PAK5: variants seen among roughly 807,000 people sequenced by gnomAD.
PAK5 encodes the protein serine/threonine-protein kinase PAK 5.
In PAK5, 16 loss-of-function variants were observed where a neutral mutation model predicts 65.9. That is an observed-to-expected ratio of 0.24 (90% CI 0.16 to 0.37). PAK5 has a LOEUF of 0.37. Ranked by LOEUF, PAK5 falls within the 10% of genes least tolerant of loss-of-function variation. The probability of loss-of-function intolerance (pLI) is 1.00; values close to 1 mark genes in which losing one functional copy is unlikely to be tolerated. For missense variants in PAK5, 785 were observed against 903.9 expected (o/e 0.87, Z 1.69); for synonymous variants, 371 against 354.9 (o/e 1.05, Z -0.51).
chr20:9,569,385 T>A (rs2045737052), intron 4 of PAK5, among the ~76,000 whole-genome samples: 1 of 152,066 alleles, frequency 6.6e-6, no homozygotes, highest in Non-Finnish European at 1.5e-5. Context: ...CGGTGCTTAG[T>A]TCATATTAAA....
chr20:9,703,990 CT>C (rs2047973448), intron 2 of PAK5, among the ~76,000 whole-genome samples: 1 of 152,148 alleles, frequency 6.6e-6, no homozygotes, highest in Non-Finnish European at 1.5e-5. Flanking sequence ...GAAAGCTGTT[CT>C]TCTCTGTCAG....
intron 1 of PAK5, among the ~76,000 whole-genome samples, chr20:9,717,095 A>AAAAAAAAAAG (rs1158800869): frequency 6.6e-6 from 1 of 152,076 alleles, no homozygotes; most frequent in African/African-American, 2.4e-5. Context: ...AAAAAAAAAA[A>AAAAAAAAAAG]AAAGAAAGAA....
intron 3 of PAK5, among the ~76,000 whole-genome samples, chr20:9,594,581 G>A (rs543603010): frequency 8.7e-4 from 132 of 152,308 alleles, no homozygotes; most frequent in Non-Finnish European, 1.6e-3. Flanking sequence ...CTTGCACATA[G>A]ATGTGTTAGC....
intron 1 of PAK5, among the ~76,000 whole-genome samples, chr20:9,712,370 T>A (rs1477156919): frequency 2.0e-5 from 3 of 152,262 alleles, no homozygotes; most frequent in Middle Eastern, 3.4e-3. Context: ...AGAAAAGGAC[T>A]ACATACAGAT....
At chr20:9,792,023 C>T (rs1282329338) in intron 1 of PAK5, among the ~76,000 whole-genome samples, 2 of 152,154 alleles carry the variant, frequency 1.3e-5, no homozygotes, top group African/African-American at 4.8e-5. Context: ...TCTGCCATAT[C>T]ATTGTTCTTA....
chr20:9,590,981 A>G (rs1381466387), intron 3 of PAK5, among the ~76,000 whole-genome samples: 1 of 152,192 alleles, frequency 6.6e-6, no homozygotes, highest in Non-Finnish European at 1.5e-5. Flanking sequence ...CCTGTCCTCC[A>G]TATGATCTGA....
At chr20:9,678,823 T>C (rs2047611159) in intron 2 of PAK5, among the ~76,000 whole-genome samples, 2 of 152,056 alleles carry the variant, frequency 1.3e-5, no homozygotes, top group Non-Finnish European at 2.9e-5. Flanking sequence ...ACCGCCCCCA[T>C]GATTAAATTA....
intron 2 of PAK5, among the ~76,000 whole-genome samples, chr20:9,658,389 G>A (rs1283300980): frequency 6.6e-6 from 1 of 152,172 alleles, no homozygotes; most frequent in African/African-American, 2.4e-5. Flanking sequence ...CAGCAGGGTA[G>A]CATGGGCTTG....
In PAK5 at chr20:9,566,375, C is replaced by G. The variant is rs58486349; in HGVS notation, c.1000G>C (p.Asp334His). ...PTMCIPKVDY[D>H]RAQMVLSPPL... ...GGGCTGAGGACCATCTGTGCTCGAT[C>G]GTAATCCACCTGGGAAGACAGACAT... The change falls in exon 5 of 10, where the codon GAT (aspartate) becomes CAT (histidine). Residue 334 changes from aspartate (D) to histidine (H), a missense_variant. Physicochemically the swap from Asp to His is moderately conservative, Grantham distance 81. Transcript: ENST00000353224. 8.8e-4 allele frequency: 1,425 copies of G among 1,612,668 alleles called. 3 individuals carry two copies. The African/African-American group carries it at 0.015, about 17-fold the overall frequency.
chr20:9,553,498 C>A (rs2045461612), intron 7 of PAK5, among the ~76,000 whole-genome samples: 2 of 152,126 alleles, frequency 1.3e-5, no homozygotes, highest in Non-Finnish European at 2.9e-5. Context: ...ATTCCCACAG[C>A]CCCAAAACCC....
At chr20:9,629,756 A>G (rs2046898043) in intron 3 of PAK5, among the ~76,000 whole-genome samples, 1 of 152,236 alleles carries the variant, frequency 6.6e-6, no homozygotes, top group Non-Finnish European at 1.5e-5. Flanking sequence ...ATCTCAATGT[A>G]TAAAGTTTGG....
At chr20:9,677,443 C>A (rs576070401) in intron 2 of PAK5, among the ~76,000 whole-genome samples, 1 of 152,242 alleles carries the variant, frequency 6.6e-6, no homozygotes, top group East Asian at 1.9e-4. Context: ...GGGCCTGCAC[C>A]ATAGGCTGCA....
At chr20:9,705,316 T>C (rs1052305204) in intron 2 of PAK5, among the ~76,000 whole-genome samples, 4 of 151,650 alleles carry the variant, frequency 2.6e-5, no homozygotes, top group African/African-American at 9.7e-5. Context: ...AAACTAAACA[T>C]GAAAAGATGC....
In PAK5 at chr20:9,580,191, G is replaced by C; in HGVS notation, c.944C>G (p.Ser315Cys). 1 of 1,614,126 alleles carries C rather than the reference G, an allele frequency of 6.2e-7. No individual in the cohort carries two copies. The highest frequency in any genetic ancestry group is 8.5e-7 in the Non-Finnish European group (1 of 1,179,982). The change falls in exon 4 of 10, where the codon TCC (serine) becomes TGC (cysteine). Residue 315 changes from serine to cysteine, a missense_variant. Physicochemically the swap from Ser to Cys is moderately radical, Grantham distance 112. Coordinates refer to ENST00000353224, the MANE Select transcript of PAK5 (RefSeq NM_177990.4). ...CTCGGACAAGCGAGGGTAGGTGTAG[G>C]AGTTGTAGGAGTGTCCTTGGGGATG... ...KTHPQGHSYNSYTYPRLSEPT... is the reference protein window; with the variant it reads ...KTHPQGHSYNCYTYPRLSEPT...
In PAK5 at chr20:9,566,381, C is replaced by G. The variant is rs2123002904; in HGVS notation, c.994G>C (p.Asp332His). 6.2e-7 allele frequency: 1 copy of G among 1,612,444 alleles called. No homozygotes were observed. Among genetic ancestry groups the G allele is most frequent in the Non-Finnish European group, 8.5e-7 (1 of 1,179,470 alleles). Reference sequence around the variant, plus strand: ...AGGACCATCTGTGCTCGATCGTAATCCACCTGGGAAGACAGACATGGATAG... The same window carrying G: ...AGGACCATCTGTGCTCGATCGTAATGCACCTGGGAAGACAGACATGGATAG... Reference protein sequence around the residue: ...SEPTMCIPKVDYDRAQMVLSP... With the variant: ...SEPTMCIPKVHYDRAQMVLSP... The change falls in exon 5 of 10, where the codon GAT (aspartate) becomes CAT (histidine). Residue 332 changes from aspartate to histidine, a missense_variant. By Grantham distance (81) the Asp-to-His change is moderately conservative. Transcript: ENST00000353224.
At chr20:9,577,942 A>G (rs1167438363) in intron 4 of PAK5, among the ~76,000 whole-genome samples, 1 of 152,082 alleles carries the variant, frequency 6.6e-6, no homozygotes, top group Non-Finnish European at 1.5e-5. Context: ...GCTTTGTCTT[A>G]TATTTGGAAG....
Position 9,701,827 on chromosome 20 carries a change from C to T in PAK5, c.-12+9459G>A, listed in dbSNP as rs559922866. On this transcript the variant is annotated intron_variant, in intron 2 of 9. Coordinates refer to ENST00000353224, the MANE Select transcript of PAK5 (RefSeq NM_177990.4). ...CAGCCAGGGCAACATAGCAAGACCT[C>T]GTCTGTACTAAAAATATAAAAAATT... is the stretch of plus-strand genomic sequence containing the variant. Among the ~76,000 whole-genome samples, 9 of 151,944 alleles carry T rather than the reference C, an allele frequency of 5.9e-5. No homozygotes were observed. In the East Asian group the frequency reaches 9.7e-4, roughly 16 times the overall value.
chr20:9,593,660 T>C (rs2046213575), intron 3 of PAK5, among the ~76,000 whole-genome samples: 1 of 152,188 alleles, frequency 6.6e-6, no homozygotes, highest in Admixed American at 6.5e-5. Context: ...TCAACCATTG[T>C]GGAAGACAGT....
intron 1 of PAK5, among the ~76,000 whole-genome samples, chr20:9,814,655 T>C (rs969028701): frequency 1.1e-4 from 17 of 152,160 alleles, no homozygotes; most frequent in Admixed American, 4.6e-4. Flanking sequence ...AAAAAATAAA[T>C]ATATAAGAAA....
Sources: allele counts gnomAD v4.1 joint callset (sites outside exome capture counted in the v4.1 genomes callset), GRCh38; gene constraint gnomAD v4.1.1; transcripts MANE v1.5; gene names NCBI Gene and HGNC (gene_info 2026-07-23, HGNC 2026-07-21).